The following ZKSCAN3 variants were observed in gnomAD, a reference collection of about 807,000 sequenced individuals.
ZKSCAN3 encodes zinc finger with KRAB and SCAN domains 3, also known as zinc finger protein with KRAB and SCAN domains 3.
ZKSCAN3 carries 21 observed loss-of-function variants against 30.7 expected under a neutral mutation model. The ratio of observed to expected loss-of-function variants is 0.68; its 90% CI spans 0.49 to 0.99. ZKSCAN3 has a LOEUF of 0.99. Ranked by LOEUF, ZKSCAN3 falls within the 50% of genes least tolerant of loss-of-function variation. The probability of loss-of-function intolerance (pLI) is 0.00; values close to 1 mark genes in which losing one functional copy is unlikely to be tolerated. For missense variants in ZKSCAN3, 507 were observed against 647.1 expected, an observed-to-expected ratio of 0.78 and a Z score of 2.35; for synonymous variants, 201 against 246.7, an observed-to-expected ratio of 0.81 and a Z score of 1.73.
intron 1 of ZKSCAN3, among the ~76,000 whole-genome samples, chr6:28,359,238 TGA>T (rs1765628500): frequency 6.6e-6 from 1 of 152,134 alleles, no homozygotes; most frequent in Non-Finnish European, 1.5e-5. Flanking sequence ...AGCAAGTCAC[TGA>T]GAGGAGCTTC....
Position 28,360,523 on chromosome 6 carries a change from G to A in ZKSCAN3, c.402+535G>A, listed in dbSNP as rs140921124. ...TTCAAGTTCATGGACTACGTGGGAAGGAGTTCATGGACCACTGGTTATGAA... is the reference window on the plus strand; with the variant it reads ...TTCAAGTTCATGGACTACGTGGGAAAGAGTTCATGGACCACTGGTTATGAA... On this transcript the variant is annotated intron_variant, in intron 2 of 5. Transcript: ENST00000252211. 50 of 968,240 alleles carry A rather than the reference G, an allele frequency of 5.2e-5. No homozygotes were observed. In the African/African-American group the frequency reaches 7.9e-4, roughly 15 times the overall value. 60.0% of individuals were successfully genotyped at this position (968,240 alleles called of 1,614,324 possible). A position where few individuals can be genotyped will look rare whatever the true frequency, so the allele number is the denominator to read the frequency against.
rs1766028130 is a variant in ZKSCAN3, at chr6:28,367,831, T to A, written c.*1546T>A. The A allele has an allele frequency of 6.6e-6, 1 of 151,498 alleles. No homozygotes were observed. The highest frequency in any genetic ancestry group is 1.5e-5 in the Non-Finnish European group (1 of 67,972). 9.4% of individuals were successfully genotyped at this position (151,498 alleles called of 1,614,324 possible). A position where few individuals can be genotyped will look rare whatever the true frequency, so the allele number is the denominator to read the frequency against. ...GCCTCCCAGGTTCCTGCCATTCTCC[T>A]GCCTCAGCCTCCCGAGTAGCTGGGA... On this transcript the variant is annotated 3_prime_UTR_variant, in exon 6 of 6. Transcript: ENST00000252211.
chr6:28,356,088 T>G (rs2113907797), intron 1 of ZKSCAN3: 1 of 152,332 alleles, frequency 6.6e-6, no homozygotes, highest in African/African-American at 2.4e-5. Context: ...GCCCGGAAAC[T>G]TATTCAGGTT....
chr6:28,354,168 G>C, intron 1 of ZKSCAN3: 1 of 351,548 alleles, frequency 2.8e-6, no homozygotes, highest in South Asian at 2.1e-5. Flanking sequence ...CTCTCTTACA[G>C]GGTCAGCAGT....
chr6:28,363,213 T>C, intron 3 of ZKSCAN3, 90 bp from the exon 4 acceptor site: 2 of 1,142,864 alleles, frequency 1.7e-6, no homozygotes, highest in Non-Finnish European at 2.5e-6. Flanking sequence ...GAGACAGGAA[T>C]CTATTAATCC....
chr6:28,363,223 C>T, intron 3 of ZKSCAN3, 80 bp from the exon 4 acceptor site: 1 of 1,238,944 alleles, frequency 8.1e-7, no homozygotes, highest in Admixed American at 1.9e-5. Flanking sequence ...TCTATTAATC[C>T]AGTTATTTAA....
rs1765851607 is a variant in ZKSCAN3, at chr6:28,363,674, GATTACCT to G, written c.634-14_634-8del. 1 of 1,613,896 alleles carries G rather than the reference GATTACCT, an allele frequency of 6.2e-7. No individual in the cohort carries two copies. Among genetic ancestry groups the G allele is most frequent in the Non-Finnish European group, 8.5e-7 (1 of 1,179,948 alleles). The stretch of plus-strand genomic sequence containing the variant: ...TTTTGGTCAGCCCCTTCTTCAATGG[GATTACCT>G]ATTGTTTTAGGGGTTGTTGAAAGTG... On this transcript the variant is annotated splice_polypyrimidine_tract_variant and intron_variant, in intron 4 of 5. Transcript: ENST00000252211.
In ZKSCAN3 at chr6:28,366,288, C is replaced by CA; in HGVS notation, c.*4dup. ...GGAAAAACATCCTATCACAGTGACC[C>CA]ATGCCATACATGCCAGAGTTGGTGC... On this transcript the variant is annotated 3_prime_UTR_variant, in exon 6 of 6. Coordinates refer to ENST00000252211, the MANE Select transcript of ZKSCAN3 (RefSeq NM_024493.4). 6.7e-7 allele frequency: 1 copy of CA among 1,497,182 alleles called. No homozygotes were observed. Among genetic ancestry groups the CA allele is most frequent in the Non-Finnish European group, 8.8e-7 (1 of 1,131,476 alleles). The allele number at this position is 1,497,182 out of a possible 1,614,324, so 92.7% of individuals were successfully genotyped here.
At chr6:28,360,111 T>C (rs1389948683) in intron 2 of ZKSCAN3, 123 bp downstream of exon 2, 37 of 1,548,210 alleles carry the variant, frequency 2.4e-5, no homozygotes, top group Non-Finnish European at 3.2e-5. Context: ...ACCGTGAACC[T>C]CCTTGGCAGT....
chr6:28,350,635 A>G (rs1764937223), intron 1 of ZKSCAN3, among the ~76,000 whole-genome samples: 1 of 152,214 alleles, frequency 6.6e-6, no homozygotes, highest in South Asian at 2.1e-4. Flanking sequence ...CATGATTTAA[A>G]GATTTGCTTT....
In ZKSCAN3 at chr6:28,350,017, C is replaced by A. The variant is rs1474951034; in HGVS notation, c.-113C>A. ...CTTCCACTGTGGGGTTAAATCTCAT[C>A]CCGCGGCTCTCCTCCTGTCGGTCCT... On this transcript the variant is annotated 5_prime_UTR_variant, in exon 1 of 6. Coordinates refer to ENST00000252211, the MANE Select transcript of ZKSCAN3 (RefSeq NM_024493.4). 6.6e-6 allele frequency: 1 copy of A among 152,444 alleles called. No homozygotes were observed. The highest frequency in any genetic ancestry group is 6.5e-5 in the Admixed American group (1 of 15,274). The allele number at this position is 152,444 out of a possible 1,614,324, so 9.4% of individuals were successfully genotyped here.
chr6:28,355,077 A>G (rs1765334350), intron 1 of ZKSCAN3, among the ~76,000 whole-genome samples: 1 of 152,170 alleles, frequency 6.6e-6, no homozygotes, highest in African/African-American at 2.4e-5. Context: ...TCTGTGTACC[A>G]TGCCCCATTG....
At chr6:28,356,868 A>G (rs1008792512) in intron 1 of ZKSCAN3, among the ~76,000 whole-genome samples, 4 of 152,240 alleles carry the variant, frequency 2.6e-5, no homozygotes, top group Non-Finnish European at 5.9e-5. Flanking sequence ...CTGTGGCTGC[A>G]TAGCCGCTCC....
Position 28,359,961 on chromosome 6 carries a change from G to A in ZKSCAN3, c.375G>A (p.Glu125=). 2 of 1,614,198 alleles carry A rather than the reference G, an allele frequency of 1.2e-6. No homozygotes were observed. Among genetic ancestry groups the A allele is most frequent in the Non-Finnish European group, 1.7e-6 (2 of 1,180,036 alleles). ...TGGTGGTGCTATTGGAGTATTTGGA[G>A]AGGCAGCTGGATGAGCCGGCGCCGC... ...EEVVVLLEYL[E]RQLDEPAPQV... is the part of the protein sequence containing the mutation. The change falls in exon 2 of 6, where the codon GAG becomes GAA. Residue 125 remains glutamate (E), a synonymous_variant. Coordinates refer to ENST00000252211, the MANE Select transcript of ZKSCAN3 (RefSeq NM_024493.4).
At chr6:28,350,613 G>A (rs560841628) in intron 1 of ZKSCAN3, among the ~76,000 whole-genome samples, 1 of 152,254 alleles carries the variant, frequency 6.6e-6, no homozygotes, top group South Asian at 2.1e-4. Flanking sequence ...TATGGGTAAG[G>A]TGCAGAGTAA....
chr6:28,363,454 C>CTCCCCAT (rs1004933854), intron 4 of ZKSCAN3, 69 bp downstream of exon 4: 2 of 1,461,622 alleles, frequency 1.4e-6, no homozygotes, highest in African/African-American at 2.8e-5. Context: ...AGACTCCTCA[C>CTCCCCAT]TCCCCATTCC....
chr6:28,365,662 C>T lies in ZKSCAN3; in HGVS notation c.994C>T (p.His332Tyr), dbSNP rs1335090580. The T allele has an allele frequency of 6.2e-7, 1 of 1,614,230 alleles. No homozygotes were observed. Among genetic ancestry groups the T allele is most frequent in the South Asian group, 1.1e-5 (1 of 91,080 alleles). ...TGCTCAAAGCTCAGGCCTGAGTAAA[C>T]ACAGGAGAATCCACACTGGTGAGAA... ...SFAQSSGLSK[H>Y]RRIHTGEKPY... The change falls in exon 6 of 6, where the codon CAC becomes TAC. Residue 332 changes from histidine (H) to tyrosine (Y), a missense_variant. Physicochemically the swap from His to Tyr is moderately conservative, Grantham distance 83. Coordinates refer to ENST00000252211, the MANE Select transcript of ZKSCAN3 (RefSeq NM_024493.4).
intron 2 of ZKSCAN3, 77 bp downstream of exon 2, chr6:28,360,065 C>A (rs1765678318): frequency 6.2e-7 from 1 of 1,609,690 alleles, no homozygotes; most frequent in Non-Finnish European, 8.5e-7. Context: ...GAGGGGCATT[C>A]CTTTAACATC....
Position 28,365,728 on chromosome 6 carries a change from A to G in ZKSCAN3, c.1060A>G (p.Ser354Gly). ...CEECGKAFIG[S>G]SALVIHQRVH... ...AGAGTGTGGCAAAGCCTTCATTGGGAGCTCTGCCCTTGTCATTCATCAGAG... is the reference window on the plus strand; with the variant it reads ...AGAGTGTGGCAAAGCCTTCATTGGGGGCTCTGCCCTTGTCATTCATCAGAG... The change falls in exon 6 of 6, where the codon AGC becomes GGC. Residue 354 changes from serine to glycine, a missense_variant. Transcript: ENST00000252211. 1 of 1,614,008 alleles carries G rather than the reference A, an allele frequency of 6.2e-7. No homozygotes were observed. The highest frequency in any genetic ancestry group is 1.3e-5 in the African/African-American group (1 of 75,036).
Sources: allele counts gnomAD v4.1 joint callset (sites outside exome capture counted in the v4.1 genomes callset), GRCh38; gene constraint gnomAD v4.1.1; transcripts MANE v1.5; gene names NCBI Gene and HGNC (gene_info 2026-07-23, HGNC 2026-07-21).